MYRF: variants seen among roughly 807,000 people sequenced by gnomAD.
The protein encoded by MYRF is myelin regulatory factor.
MYRF carries 16 observed loss-of-function variants against 126.3 expected under a neutral mutation model. The observed-to-expected ratio is 0.13, with a 90% CI of 0.09 to 0.19. MYRF has a LOEUF of 0.19. Among genes scored for constraint, MYRF ranks in the 10% least tolerant of loss-of-function variants. MYRF has a pLI of 1.00. For missense variants in MYRF, 1,104 were observed against 1,547.0 expected (o/e 0.71, Z 4.80); for synonymous variants, 608 against 635.3 (o/e 0.96, Z 0.65).
Position 61,780,790 on chromosome 11 carries a change from A to G in MYRF, c.2484A>G (p.Pro828=), listed in dbSNP as rs766980265. 6.5e-7 allele frequency: 1 copy of G among 1,545,214 alleles called. No individual in the cohort carries two copies. Among genetic ancestry groups the G allele is most frequent in the Non-Finnish European group, 8.7e-7 (1 of 1,147,692 alleles). ...QPPGGSEALC[P]WSSQSFGTTQ... is the part of the protein sequence containing the mutation. ...CTGGGGGGAGTGAGGCCTTGTGCCC[A>G]TGGTACGTGCTGACCAGCGCCCCTC... is the stretch of plus-strand genomic sequence containing the variant. Residue 828 remains proline, a splice_region_variant and synonymous_variant, in exon 19 of 27, where the codon CCA becomes CCG. Coordinates refer to ENST00000278836, the MANE Select transcript of MYRF (RefSeq NM_001127392.3).
chr11:61,782,131 A>C, intron 22 of MYRF: 1 of 324,778 alleles, frequency 3.1e-6, no homozygotes, highest in African/African-American at 2.1e-5. Context: ...CTTGTATTTG[A>C]TCCCGAGCCT....
At chr11:61,761,259 T>TC (rs1555053516) in intron 1 of MYRF, among the ~76,000 whole-genome samples, 1 of 78,240 alleles carries the variant, frequency 1.3e-5, no homozygotes, top group Non-Finnish European at 2.8e-5. Context: ...CCACAGCTGG[T>TC]GGGGGGGGGG....
In MYRF at chr11:61,786,788, C is replaced by T. The variant is rs150504612; in HGVS notation, c.*645C>T. On this transcript the variant is annotated 3_prime_UTR_variant, in exon 27 of 27. Coordinates refer to ENST00000278836, the MANE Select transcript of MYRF (RefSeq NM_001127392.3). This position sits in a 1 kb window ranked among gnomAD's most constrained non-coding sequence, Gnocchi z 4.5. ...GCTTGGCTCCCAAGAAGTCCCAGGG[C>T]AGCCGAGGCCAGCCCTGCCTGGGTT... 848 of 153,312 alleles carry T rather than the reference C, an allele frequency of 5.5e-3. 3 individuals are homozygous for T. The highest frequency in any genetic ancestry group is 9.8e-3 in the Non-Finnish European group (667 of 68,400). 9.5% of individuals were successfully genotyped at this position (153,312 alleles called of 1,614,324 possible). A position where few individuals can be genotyped will look rare whatever the true frequency, so the allele number is the denominator to read the frequency against.
intron 15 of MYRF, 31 bp from the exon 16 acceptor site, chr11:61,779,467 G>C: frequency 6.5e-7 from 1 of 1,544,796 alleles, no homozygotes; most frequent in Non-Finnish European, 8.7e-7. Context: ...TCTTCCCAGG[G>C]ACACCCCTGA....
rs768300164 is a variant in MYRF at position 61,770,494 on chromosome 11, C to G, written c.709C>G (p.Leu237Val). Residue 237 changes from leucine to valine, a missense_variant, in exon 5 of 27, where the codon CTG (leucine) becomes GTG (valine). Coordinates refer to ENST00000278836, the MANE Select transcript of MYRF (RefSeq NM_001127392.3). Reference sequence around the variant, plus strand: ...TCACCACACCCAGCAGTCCCAGATGCTGCACCAGCTCCTGCAGCAGCACGG... The same window carrying G: ...TCACCACACCCAGCAGTCCCAGATGGTGCACCAGCTCCTGCAGCAGCACGG... ...DLHHTQQSQM[L>V]HQLLQQHGAE... The G allele has an allele frequency of 4.5e-6, 7 of 1,565,130 alleles. No individual in the cohort carries two copies. Among genetic ancestry groups the G allele is most frequent in the Non-Finnish European group, 6.1e-6 (7 of 1,154,606 alleles).
In MYRF at chr11:61,757,934, C is replaced by T. The variant is rs751536165; in HGVS notation, c.46+5144C>T. On this transcript the variant is annotated intron_variant, in intron 1 of 26. Transcript: ENST00000278836. The surrounding 1 kb of genome is among the most constrained non-coding windows in gnomAD (Gnocchi z 4.7). ...TGGGATGGGCAGGGAAGGGGCCTCT[C>T]CTCCTGACATGCTGAGGGGTGGCTC... 3.9e-5 allele frequency among the ~76,000 whole-genome samples: 6 copies of T among 152,198 alleles called. No homozygotes were observed. The highest frequency in any genetic ancestry group is 8.8e-5 in the Non-Finnish European group (6 of 68,022).
Position 61,780,234 on chromosome 11 carries a change from G to T in MYRF, c.2349G>T (p.Met783Ile). 1.2e-6 allele frequency: 2 copies of T among 1,614,128 alleles called. No homozygotes were observed. Among genetic ancestry groups the T allele is most frequent in the Non-Finnish European group, 1.7e-6 (2 of 1,179,994 alleles). Reference sequence around the variant, plus strand: ...TCTGTGGCTCCAGCGTGGTGTCCATGTCCACACTGTACGTGCTGAGCCTGC... The same window carrying T: ...TCTGTGGCTCCAGCGTGGTGTCCATTTCCACACTGTACGTGCTGAGCCTGC... ...VVVMAFSVVS[M>I]STLYVLSLRT... The change falls in exon 18 of 27, where the codon ATG becomes ATT. Residue 783 changes from methionine to isoleucine, a missense_variant. By Grantham distance (10) the Met-to-Ile change is conservative. This residue lies in a region of MYRF where 323 missense variants were observed against 383.1 expected (regional missense o/e 0.84). Coordinates refer to ENST00000278836, the MANE Select transcript of MYRF (RefSeq NM_001127392.3).
Position 61,778,851 on chromosome 11 carries a change from A to G in MYRF, c.2013+362A>G, listed in dbSNP as rs1181109557. 1 of 546,264 alleles carries G rather than the reference A, an allele frequency of 1.8e-6. No homozygotes were observed. The highest frequency in any genetic ancestry group is 1.5e-5 in the South Asian group (1 of 65,430). 33.8% of individuals were successfully genotyped at this position (546,264 alleles called of 1,614,324 possible). On this transcript the variant is annotated intron_variant, in intron 14 of 26. Coordinates refer to ENST00000278836, the MANE Select transcript of MYRF (RefSeq NM_001127392.3). The surrounding 1 kb of genome is among the most constrained non-coding windows in gnomAD (Gnocchi z 4.6). ...ATTGTGAGGACGACGTTTGTCACTT[A>G]CCTGTCCTGAGTCTGGGCGCCAAGG... is the stretch of plus-strand genomic sequence containing the variant.
In MYRF at chr11:61,777,572, G is replaced by A; in HGVS notation, c.1791+108G>A. The A allele has an allele frequency of 7.1e-7, 1 of 1,409,504 alleles. No homozygotes were observed. Among genetic ancestry groups the A allele is most frequent in the Non-Finnish European group, 9.7e-7 (1 of 1,034,610 alleles). The allele number at this position is 1,409,504 out of a possible 1,614,324, so 87.3% of individuals were successfully genotyped here. ...CTACGCGGAAAGGCGGAGCTGCGGGGGAAGGAAGGGAGGGAGGCTGGCCTC... is the reference window on the plus strand; with the variant it reads ...CTACGCGGAAAGGCGGAGCTGCGGGAGAAGGAAGGGAGGGAGGCTGGCCTC... On this transcript the variant is annotated intron_variant, in intron 12 of 26. Coordinates refer to ENST00000278836, the MANE Select transcript of MYRF (RefSeq NM_001127392.3). The surrounding 1 kb of genome is among the most constrained non-coding windows in gnomAD (Gnocchi z 8.8).
chr11:61,768,513 T>G (rs2066124970), intron 3 of MYRF: 1 of 152,244 alleles, frequency 6.6e-6, no homozygotes, highest in Non-Finnish European at 1.5e-5. Context: ...CGAAGGTGGG[T>G]GGGTGGCTGG....
intron 3 of MYRF, chr11:61,767,323 C>T (rs763585236): frequency 2.2e-5 from 10 of 456,582 alleles, no homozygotes; most frequent in Middle Eastern, 3.2e-4. Flanking sequence ...TATCATGTGC[C>T]TATGATTGCG....
At position 61,752,780 on chromosome 11, in the gene MYRF, C is replaced by T. The variant is rs1430113566; in HGVS notation, c.36C>T (p.Arg12=). Residue 12 remains arginine (R), a synonymous_variant, in exon 1 of 27, where the codon CGC becomes CGT. Transcript: ENST00000278836. ...TGGACGAGACGGAGGCGCTGCAGCG[C>T]TTCTTCGAAGGTGAGAGACCGCGGG... ...EVVDETEALQ[R]FFEGHDINGA... is the part of the protein sequence containing the mutation. 19 of 1,488,274 alleles carry T rather than the reference C, an allele frequency of 1.3e-5. No individual in the cohort carries two copies. The highest frequency in any genetic ancestry group is 1.7e-4 in the Middle Eastern group (1 of 5,724). 92.2% of individuals were successfully genotyped at this position (1,488,274 alleles called of 1,614,324 possible).
chr11:61,763,408 T>C (rs571660057), intron 1 of MYRF, among the ~76,000 whole-genome samples: 3 of 152,224 alleles, frequency 2.0e-5, no homozygotes, highest in Non-Finnish European at 4.4e-5. Flanking sequence ...TCACCACCAC[T>C]GTCTTTGTCA....
chr11:61,752,662 G>C lies in MYRF; in HGVS notation c.-83G>C. On this transcript the variant is annotated 5_prime_UTR_variant, in exon 1 of 27. Coordinates refer to ENST00000278836, the MANE Select transcript of MYRF (RefSeq NM_001127392.3). ...TAGCCGGAGCCCAGCCGGGACTGTC[G>C]CGCGGGCCGCGCCGGCGATGCCGCG... is the stretch of plus-strand genomic sequence containing the variant. The C allele has an allele frequency of 9.0e-7, 1 of 1,115,930 alleles. No individual in the cohort carries two copies. Among genetic ancestry groups the C allele is most frequent in the African/African-American group, 1.6e-5 (1 of 61,080 alleles). The allele number at this position is 1,115,930 out of a possible 1,614,324, so 69.1% of individuals were successfully genotyped here. A position where few individuals can be genotyped will look rare whatever the true frequency, so the allele number is the denominator to read the frequency against.
At chr11:61,773,847 T>C in intron 7 of MYRF, 120 bp from the exon 8 acceptor site, 2 of 769,724 alleles carry the variant, frequency 2.6e-6, no homozygotes, top group Non-Finnish European at 4.1e-6. Context: ...GCCGCATTGG[T>C]GGTTTGAGGA....
rs779540387 is a variant in MYRF at position 61,770,260 on chromosome 11, C to T, written c.475C>T (p.Arg159Cys). The T allele has an allele frequency of 3.7e-5, 60 of 1,607,484 alleles. No homozygotes were observed. In the South Asian group the frequency reaches 6.1e-4, roughly 16 times the overall value. ...PQQVNEPHLL[R>C]TITPETLCHV... is the part of the protein sequence containing the mutation. Reference sequence around the variant, plus strand: ...CTCTCCTGCAGAGCCCCACCTCCTGCGCACGATAACCCCTGAGACACTGTG... The same window carrying T: ...CTCTCCTGCAGAGCCCCACCTCCTGTGCACGATAACCCCTGAGACACTGTG... Residue 159 changes from arginine to cysteine, a missense_variant, in exon 5 of 27, where the codon CGC becomes TGC. By Grantham distance (180) the Arg-to-Cys change is radical. Coordinates refer to ENST00000278836, the MANE Select transcript of MYRF (RefSeq NM_001127392.3).
chr11:61,769,822 T>TG (rs1001578914), intron 4 of MYRF, among the ~76,000 whole-genome samples: 2 of 152,068 alleles, frequency 1.3e-5, no homozygotes, highest in African/African-American at 4.8e-5. Flanking sequence ...CCGCTCAGGC[T>TG]GGGGGGCTGG....
chr11:61,782,064 G>C (rs190740700), intron 22 of MYRF: 2 of 487,688 alleles, frequency 4.1e-6, no homozygotes, highest in South Asian at 1.0e-4. Context: ...GAAGAAATGG[G>C]ATGGAGACTA....
chr11:61,769,864 C>T (rs922552293), intron 4 of MYRF, among the ~76,000 whole-genome samples: 18 of 152,104 alleles, frequency 1.2e-4, no homozygotes, highest in Non-Finnish European at 1.8e-4. Context: ...GACTGCCTGC[C>T]GGAGAGGGGA....
Sources: gnomAD v4.1 joint callset for allele counts (sites outside exome capture counted in the v4.1 genomes callset) on GRCh38, gnomAD v4.1.1 for gene constraint, gnomAD v4.1.1 regional missense constraint, Gnocchi (gnomAD v3.1) non-coding constraint, MANE v1.5 for transcripts, NCBI Gene and HGNC (gene_info 2026-07-23, HGNC 2026-07-21) for gene names.